The following BTBD7 variants were observed in gnomAD, a reference collection of about 807,000 sequenced individuals.
BTBD7 encodes BTB domain containing 7.
BTBD7 carries 38 observed loss-of-function variants against 99.9 expected under a neutral mutation model. That is an observed-to-expected ratio of 0.38 (90% CI 0.29 to 0.50). BTBD7 has a LOEUF of 0.50. BTBD7 is among the 20% of genes least tolerant of loss of function. The pLI is 0.93. For missense variants in BTBD7, 1,170 were observed against 1,394.6 expected, an observed-to-expected ratio of 0.84 and a Z score of 2.57; for synonymous variants, 520 against 511.4, an observed-to-expected ratio of 1.02 and a Z score of -0.23.
chr14:93,323,085 T>C (rs908682929), intron 1 of BTBD7, among the ~76,000 whole-genome samples: 3 of 152,116 alleles, frequency 2.0e-5, no homozygotes, highest in African/African-American at 7.2e-5. Context: ...ATAGGGCCAC[T>C]GCACTCCAGC....
In BTBD7 at chr14:93,299,476, G is replaced by A. The variant is rs75084273; in HGVS notation, c.-106-3319C>T. 3.9e-5 allele frequency among the ~76,000 whole-genome samples: 6 copies of A among 152,248 alleles called. No homozygotes were observed. The East Asian group carries it at 9.7e-4, about 25-fold the overall frequency. The stretch of plus-strand genomic sequence containing the variant: ...GCAACGGAGAGAGGAGCAAGGAGAG[G>A]GGAGAGGAGAGGAGAAGGTCTACAG... On this transcript the variant is annotated intron_variant, in intron 1 of 10. Transcript: ENST00000334746.
At chr14:93,297,666 C>T (rs1029163824) in intron 1 of BTBD7, among the ~76,000 whole-genome samples, 2 of 152,168 alleles carry the variant, frequency 1.3e-5, no homozygotes, top group East Asian at 3.8e-4. Flanking sequence ...TAAAGCTGAG[C>T]TCCACAGAAT....
intron 1 of BTBD7, among the ~76,000 whole-genome samples, chr14:93,329,793 G>A (rs918511977): frequency 6.6e-6 from 1 of 152,098 alleles, no homozygotes; most frequent in East Asian, 1.9e-4. Context: ...TGGGGGTAAG[G>A]GAAAATGGAC....
At position 93,239,255 on chromosome 14, in the gene BTBD7, C is replaced by T. The variant is rs890646357; in HGVS notation, c.*3018G>A. ...TCTTTAAGAAACTTGAACGTCCTCT[C>T]GGCTCTAGCGTGTAAACGGTAGGTC... On this transcript the variant is annotated 3_prime_UTR_variant, in exon 11 of 11. Transcript: ENST00000334746. 2.6e-5 allele frequency: 4 copies of T among 152,564 alleles called. No homozygotes were observed. Among genetic ancestry groups the T allele is most frequent in the Non-Finnish European group, 4.4e-5 (3 of 68,030 alleles). The allele number at this position is 152,564 out of a possible 1,614,324, so 9.5% of individuals were successfully genotyped here.
At chr14:93,305,656 T>G (rs17128999) in intron 1 of BTBD7, among the ~76,000 whole-genome samples, 1,738 of 152,368 alleles carry the variant, frequency 0.011, 32 homozygotes, top group African/African-American at 0.039. Context: ...ATAGATATTC[T>G]TGGCCCTGTT....
intron 3 of BTBD7, among the ~76,000 whole-genome samples, chr14:93,282,040 T>G (rs1250554105): frequency 6.6e-6 from 1 of 152,216 alleles, no homozygotes; most frequent in African/African-American, 2.4e-5. Context: ...GTTCATCTTT[T>G]GATCTGTTGA....
chr14:93,245,810 G>C lies in BTBD7; in HGVS notation c.2583+15C>G. 4 of 1,604,994 alleles carry C rather than the reference G, an allele frequency of 2.5e-6. No homozygotes were observed. In the South Asian group the frequency reaches 4.4e-5, roughly 18 times the overall value. On this transcript the variant is annotated intron_variant, in intron 10 of 10. Transcript: ENST00000334746. ...TAAACCGAATTTGAAGCAAGTTACT[G>C]AAGTGTTGACTTACCACTTGCTTCT...
intron 8 of BTBD7, 94 bp downstream of exon 8, chr14:93,251,369 A>T: frequency 7.9e-7 from 1 of 1,261,458 alleles, no homozygotes; most frequent in East Asian, 2.5e-5. Context: ...AAATGTGGAG[A>T]GAATTAGCAT....
intron 1 of BTBD7, among the ~76,000 whole-genome samples, chr14:93,302,240 G>A (rs1160854384): frequency 6.6e-6 from 1 of 152,184 alleles, no homozygotes; most frequent in Non-Finnish European, 1.5e-5. Context: ...TGAGAGCACA[G>A]AAGAATGGCT....
intron 4 of BTBD7, among the ~76,000 whole-genome samples, chr14:93,262,506 A>G (rs1173674517): frequency 1.3e-5 from 2 of 152,102 alleles, no homozygotes; most frequent in Non-Finnish European, 2.9e-5. Context: ...AATTTATTTT[A>G]TCTTACTATG....
intron 3 of BTBD7, among the ~76,000 whole-genome samples, chr14:93,265,130 A>G (rs2052528104): frequency 1.3e-5 from 2 of 152,124 alleles, no homozygotes; most frequent in Non-Finnish European, 2.9e-5. Context: ...AAACACTACC[A>G]AACTATGGCT....
intron 1 of BTBD7, among the ~76,000 whole-genome samples, chr14:93,306,440 TAAA>T (rs10717168): frequency 3.2e-5 from 4 of 126,902 alleles, no homozygotes; most frequent in East Asian, 4.4e-4. Flanking sequence ...CATCTCTCTT[TAAA>T]AAAAAAAAAA....
intron 5 of BTBD7, among the ~76,000 whole-genome samples, chr14:93,259,159 A>G (rs1017805500): frequency 2.0e-5 from 3 of 152,242 alleles, no homozygotes; most frequent in Admixed American, 6.5e-5. Context: ...TTTTTGTCCA[A>G]TGATTAAGAC....
chr14:93,302,017 G>A (rs1566857837), intron 1 of BTBD7, among the ~76,000 whole-genome samples: 1 of 152,212 alleles, frequency 6.6e-6, no homozygotes, highest in East Asian at 1.9e-4. Flanking sequence ...CAAAGCATGT[G>A]AGGGGTAGAG....
chr14:93,242,215 G>A lies in BTBD7; in HGVS notation c.*58C>T. The A allele has an allele frequency of 3.3e-6, 5 of 1,500,658 alleles. No homozygotes were observed. The highest frequency in any genetic ancestry group is 4.6e-6 in the Non-Finnish European group (5 of 1,094,268). The allele number at this position is 1,500,658 out of a possible 1,614,324, so 93.0% of individuals were successfully genotyped here. ...GATGAACTGGTCTGTAAGTTGTTGG[G>A]TTACATCATAAAATGGGATGTTTCA... On this transcript the variant is annotated 3_prime_UTR_variant, in exon 11 of 11. Transcript: ENST00000334746.
intron 3 of BTBD7, chr14:93,288,812 T>C (rs982272404): frequency 1.1e-5 from 17 of 1,483,284 alleles, no homozygotes; most frequent in South Asian, 2.8e-5. Context: ...GTATATACTT[T>C]TGAGCTGTTC....
intron 3 of BTBD7, among the ~76,000 whole-genome samples, chr14:93,281,849 G>A (rs2052724524): frequency 6.6e-6 from 1 of 152,162 alleles, no homozygotes; most frequent in Non-Finnish European, 1.5e-5. Flanking sequence ...CCAGCAATGA[G>A]CATGAATTGT....
At chr14:93,284,989 C>A (rs1234110046) in intron 3 of BTBD7, among the ~76,000 whole-genome samples, 1 of 151,968 alleles carries the variant, frequency 6.6e-6, no homozygotes, top group East Asian at 1.9e-4. Flanking sequence ...AAATATGAAA[C>A]TGAGATTAAC....
At chr14:93,286,422 T>C (rs2139750585) in intron 3 of BTBD7, among the ~76,000 whole-genome samples, 1 of 152,330 alleles carries the variant, frequency 6.6e-6, no homozygotes, top group South Asian at 2.1e-4. Context: ...TTGAGTGAGC[T>C]ACTCAGATCC....
Sources: gnomAD v4.1 joint callset for allele counts (sites outside exome capture counted in the v4.1 genomes callset) on GRCh38, gnomAD v4.1.1 for gene constraint, MANE v1.5 for transcripts, NCBI Gene and HGNC (gene_info 2026-07-23, HGNC 2026-07-21) for gene names.